SUN1: variants seen among roughly 807,000 people sequenced by gnomAD.
SUN1 encodes the protein SUN domain-containing protein 1.
SUN1 carries 61 observed loss-of-function variants against 103.2 expected under a neutral mutation model. That is an observed-to-expected ratio of 0.59 (90% CI 0.48 to 0.73). The LOEUF is 0.73. SUN1 is among the 30% of genes least tolerant of loss of function. The probability of loss-of-function intolerance (pLI) is 0.00; values close to 1 mark genes in which losing one functional copy is unlikely to be tolerated. For synonymous variants in SUN1, 490 were observed against 425.7 expected (o/e 1.15, Z -1.86); for missense variants, 1,052 against 1,034.6 (o/e 1.02, Z -0.23).
Position 857,885 on chromosome 7 carries a change from G to A in SUN1, c.1452G>A (p.Gln484=), listed in dbSNP as rs769379867. ...TVEHLQLELD[Q]LKSELSSWRH... Reference sequence around the variant, plus strand: ...AGCACCTCCAGCTGGAGCTGGATCAGCTAAAGTCAGAGCTGTCCAGCTGGC... The same window carrying A: ...AGCACCTCCAGCTGGAGCTGGATCAACTAAAGTCAGAGCTGTCCAGCTGGC... Residue 484 remains glutamine (Q), a synonymous_variant, in exon 13 of 19, where the codon CAG becomes CAA. Coordinates refer to ENST00000401592, the MANE Select transcript of SUN1 (RefSeq NM_001130965.3). 5 of 1,602,442 alleles carry A rather than the reference G, an allele frequency of 3.1e-6. No homozygotes were observed. The Admixed American group carries it at 8.4e-5, about 27-fold the overall frequency.
At chr7:827,671 A>G (rs974061145), upstream of SUN1, among the ~76,000 whole-genome samples, 36 of 151,868 alleles carry the variant, frequency 2.4e-4, no homozygotes, top group Admixed American at 8.5e-4. Flanking sequence ...GGGTTTCACC[A>G]TTCACAGGAT....
chr7:853,269 G>C, intron 9 of SUN1, 140 bp from the exon 10 acceptor site: 1 of 961,722 alleles, frequency 1.0e-6, no homozygotes. Flanking sequence ...CTGATACTCC[G>C]GGTTTCTGTG....
In SUN1 at chr7:851,396, T is replaced by G. The variant is rs2128381511; in HGVS notation, c.671T>G (p.Leu224Arg). ...RDRNQKCYFL[L>R]QILRRIGAVG... The stretch of plus-strand genomic sequence containing the variant: ...CTTCCCTGCACAGGTTACTTCTTGC[T>G]GCAGATTCTGCGCAGGATCGGAGCT... The change falls in exon 6 of 19, where the codon CTG (leucine) becomes CGG (arginine). Residue 224 changes from leucine (L) to arginine (R), a missense_variant. Around this residue, in one of 2 missense-constraint regions of SUN1, gnomAD observed 846 missense variants for 774.5 expected, o/e 1.09. Coordinates refer to ENST00000401592, the MANE Select transcript of SUN1 (RefSeq NM_001130965.3). 6 of 1,604,442 alleles carry G rather than the reference T, an allele frequency of 3.7e-6. No homozygotes were observed. Among genetic ancestry groups the G allele is most frequent in the Non-Finnish European group, 5.1e-6 (6 of 1,175,490 alleles).
In SUN1 at chr7:857,831, G is replaced by A. The variant is rs752157539; in HGVS notation, c.1398G>A (p.Ala466=). The A allele has an allele frequency of 1.4e-4, 216 of 1,578,944 alleles. 1 individual carries two copies. The East Asian group carries it at 3.4e-3, about 25-fold the overall frequency. ...LEQTKQKTIS[A]VGEQLLPTVE... ...CATTCTCACTGTTGGATTCCAGTGC[G>A]GTTGGTGAGCAGCTCCTGCCCACAG... Residue 466 remains alanine (A), a synonymous_variant, in exon 13 of 19, where the codon GCG becomes GCA. Coordinates refer to ENST00000401592, the MANE Select transcript of SUN1 (RefSeq NM_001130965.3).
chr7:815,809 G>C (rs931245790), upstream of SUN1: 10 of 217,632 alleles, frequency 4.6e-5, no homozygotes, highest in Admixed American at 3.1e-4. Context: ...CTGGGGAGGA[G>C]GGGCCGCGGG....
At chr7:832,808 T>C (rs1467559635) in intron 1 of SUN1, 1 of 542,156 alleles carries the variant, frequency 1.8e-6, no homozygotes, top group Non-Finnish European at 3.3e-6. Context: ...TCCTGGTGAC[T>C]GGGTGGTTAG....
At chr7:845,141 G>T (rs370095167) in intron 5 of SUN1, among the ~76,000 whole-genome samples, 1 of 152,148 alleles carries the variant, frequency 6.6e-6, no homozygotes, top group African/African-American at 2.4e-5. Context: ...GTCTCCCTAC[G>T]CGTGTTGTAG....
chr7:850,108 G>C, intron 5 of SUN1: 1 of 1,344,182 alleles, frequency 7.4e-7, no homozygotes, highest in African/African-American at 1.4e-5. Flanking sequence ...TTTGTGCTTG[G>C]AATTCAAGTG....
intron 1 of SUN1, among the ~76,000 whole-genome samples, chr7:822,711 G>GT (rs1787442830): frequency 6.6e-6 from 1 of 152,232 alleles, no homozygotes; most frequent in African/African-American, 2.4e-5. Context: ...TGGTGTGGAT[G>GT]TGTATTCCAG....
At chr7:816,088 G>A, upstream of SUN1, 2 of 218,240 alleles carry the variant, frequency 9.2e-6, no homozygotes, top group South Asian at 4.1e-5. Context: ...TCCCCCAGAT[G>A]CACACACCTT....
intron 1 of SUN1, chr7:816,937 A>G (rs1781082736): frequency 6.6e-6 from 1 of 152,324 alleles, no homozygotes; most frequent in Admixed American, 6.6e-5. Context: ...GGGTGTCGCC[A>G]GCCGGCTCGT....
At chr7:821,025 G>A (rs138723616) in intron 1 of SUN1, among the ~76,000 whole-genome samples, 3 of 152,026 alleles carry the variant, frequency 2.0e-5, no homozygotes, top group Admixed American at 6.6e-5. Context: ...CATCTATCTA[G>A]CTCCCCAAAA....
At chr7:827,635 A>C (rs1176703945), upstream of SUN1, among the ~76,000 whole-genome samples, 1 of 150,826 alleles carries the variant, frequency 6.6e-6, no homozygotes, top group Non-Finnish European at 1.5e-5. Context: ...ACGCCCGGCT[A>C]ATTTCTTGTA....
In SUN1 at chr7:843,356, C is replaced by G; in HGVS notation, c.494C>G (p.Ala165Gly). ...DGDLKGGNKAAIQGNGDVGAA... is the reference protein window; with the variant it reads ...DGDLKGGNKAGIQGNGDVGAA... The stretch of plus-strand genomic sequence containing the variant: ...AAAACTTTAGGTGGAAATAAAGCTG[C>G]CATTCAGGGAAACGGGGATGTGGGA... Residue 165 changes from alanine (A) to glycine (G), a missense_variant, in exon 5 of 19, where the codon GCC becomes GGC. By Grantham distance (60) the Ala-to-Gly change is moderately conservative. This residue lies in a region of SUN1 where 846 missense variants were observed against 774.5 expected (regional missense o/e 1.09). Transcript: ENST00000401592. 6.2e-7 allele frequency: 1 copy of G among 1,606,438 alleles called. No individual in the cohort carries two copies.
chr7:832,729 A>G, intron 1 of SUN1, 128 bp downstream of exon 1: 1 of 740,312 alleles, frequency 1.4e-6, no homozygotes, highest in South Asian at 1.7e-5. Context: ...GAAAAAAAAT[A>G]ATAAACTGTA....
chr7:855,366 A>G (rs1045231622), intron 11 of SUN1, among the ~76,000 whole-genome samples: 4 of 152,196 alleles, frequency 2.6e-5, no homozygotes, highest in South Asian at 4.1e-4. Flanking sequence ...AGGGGGGATA[A>G]AGGACCTGAA....
chr7:838,575 C>G (rs143843448), intron 1 of SUN1, among the ~76,000 whole-genome samples: 3 of 152,316 alleles, frequency 2.0e-5, no homozygotes, highest in African/African-American at 7.2e-5. Context: ...AATGTGCTGT[C>G]CTACATCTGA....
At position 817,178 on chromosome 7, in the gene SUN1, T is replaced by G. The variant is rs1325342763; in HGVS notation, c.-74+505T>G. 8 of 529,248 alleles carry G rather than the reference T, an allele frequency of 1.5e-5. No homozygotes were observed. The East Asian group carries it at 2.7e-4, about 18-fold the overall frequency. The allele number at this position is 529,248 out of a possible 1,614,324, so 32.8% of individuals were successfully genotyped here. On this transcript the variant is annotated intron_variant, in intron 1 of 17. Transcript: ENST00000389574. ...TCTCGCTGTGTTTCCCAGGCTGGTCTCGACCTCCTGAGCGCGAGCTATCCT... is the reference window on the plus strand; with the variant it reads ...TCTCGCTGTGTTTCCCAGGCTGGTCGCGACCTCCTGAGCGCGAGCTATCCT...
chr7:839,320 C>G (rs1806693275), intron 2 of SUN1: 1 of 266,630 alleles, frequency 3.8e-6, no homozygotes, highest in Non-Finnish European at 7.0e-6. Context: ...AGCTGTCCTA[C>G]CACATGTGTA....
Sources: allele counts gnomAD v4.1 joint callset (sites outside exome capture counted in the v4.1 genomes callset), GRCh38; gene constraint gnomAD v4.1.1; regional missense constraint gnomAD v4.1.1; transcripts MANE v1.5; gene names NCBI Gene and HGNC (gene_info 2026-07-23, HGNC 2026-07-21).